The following RANBP2 variants were observed in gnomAD, a reference collection of about 807,000 sequenced individuals.
The protein encoded by RANBP2 is E3 SUMO-protein ligase RanBP2.
A neutral mutation model predicts 303.6 loss-of-function variants in RANBP2; 57 were observed. The ratio of observed to expected loss-of-function variants is 0.19; its 90% confidence interval spans 0.15 to 0.23. The LOEUF is 0.23. RANBP2 is among the 10% of genes least tolerant of loss of function. The pLI is 1.00. For missense variants in RANBP2, 3,138 were observed against 3,780.8 expected, an observed-to-expected ratio of 0.83 and a Z score of 4.46; for synonymous variants, 1,167 against 1,301.5, an observed-to-expected ratio of 0.90 and a Z score of 2.23.
the RANBP2 span, among the ~76,000 whole-genome samples, chr2:108,838,914 A>C: frequency 6.6e-6 from 1 of 152,186 alleles, no homozygotes; most frequent in African/African-American, 2.4e-5. Context: ...AACTTATTTA[A>C]TCATTTAAGG....
the RANBP2 span, chr2:108,791,600 T>A: frequency 6.7e-7 from 1 of 1,502,980 alleles, no homozygotes; most frequent in African/African-American, 1.4e-5. Flanking sequence ...CTGTTAATAT[T>A]TGAAAAGCAG....
intron 6 of RANBP2, among the ~76,000 whole-genome samples, chr2:108,737,113 A>C (rs1020644319): frequency 8.6e-5 from 13 of 151,946 alleles, no homozygotes; most frequent in Non-Finnish European, 1.2e-4. Context: ...TGCAGGGAGT[A>C]GGTAATTTTC....
chr2:109,688,761 G>A, the RANBP2 span, among the ~76,000 whole-genome samples: 227 of 131,616 alleles, frequency 1.7e-3, 2 homozygotes, highest in Middle Eastern at 0.011. Context: ...CCTGGGTGAC[G>A]GAGCGAGACT....
chr2:109,392,420 T>C, the RANBP2 span, among the ~76,000 whole-genome samples: 2 of 152,172 alleles, frequency 1.3e-5, no homozygotes, highest in Non-Finnish European at 2.9e-5. Context: ...CACATTGCTG[T>C]CACCTCGTGG....
Position 108,765,848 on chromosome 2 carries a change from C to T in RANBP2, c.5309C>T (p.Ala1770Val), listed in dbSNP as rs763136168. The T allele has an allele frequency of 9.9e-6, 16 of 1,614,142 alleles. No homozygotes were observed. The highest frequency in any genetic ancestry group is 4.0e-5 in the African/African-American group (3 of 75,046). Reference protein sequence around the residue: ...STPASSEISKAPKSGFEGMFI... With the variant: ...STPASSEISKVPKSGFEGMFI... The stretch of plus-strand genomic sequence containing the variant: ...CCTGCCTCTTCGGAGATAAGCAAGG[C>T]TCCAAAGAGTGGATTTGAAGGAATG... The change falls in exon 20 of 29, where the codon GCT becomes GTT. Residue 1770 changes from alanine (A) to valine (V), a missense_variant. By Grantham distance (64) the Ala-to-Val change is moderately conservative (BLOSUM62 0). Transcript: ENST00000283195.
the RANBP2 span, among the ~76,000 whole-genome samples, chr2:109,125,577 C>A: frequency 6.6e-6 from 1 of 152,166 alleles, no homozygotes; most frequent in East Asian, 1.9e-4. Flanking sequence ...TTTTTCCAAA[C>A]CCTGACCACC....
chr2:109,470,784 G>A, the RANBP2 span, among the ~76,000 whole-genome samples: 1 of 152,250 alleles, frequency 6.6e-6, no homozygotes, highest in Admixed American at 6.5e-5. Flanking sequence ...CCACAGCTTA[G>A]AGAGACCCTT....
chr2:109,161,079 G>A, the RANBP2 span, among the ~76,000 whole-genome samples: 1 of 152,182 alleles, frequency 6.6e-6, no homozygotes, highest in Admixed American at 6.5e-5. Context: ...TGATCACAAG[G>A]CAATCGACTG....
chr2:109,694,446 C>T, the RANBP2 span, among the ~76,000 whole-genome samples: 1 of 146,714 alleles, frequency 6.8e-6, no homozygotes, highest in Admixed American at 7.0e-5. Flanking sequence ...ACTCTGTCAT[C>T]AGGCTGGAAT....
the RANBP2 span, among the ~76,000 whole-genome samples, chr2:109,692,072 A>G: frequency 5.3e-4 from 80 of 152,272 alleles, no homozygotes; most frequent in African/African-American, 1.9e-3. Flanking sequence ...GTGAGCCACC[A>G]TGCCCGGCCC....
chr2:109,531,457 T>C, the RANBP2 span, among the ~76,000 whole-genome samples: 1 of 152,160 alleles, frequency 6.6e-6, no homozygotes, highest in Non-Finnish European at 1.5e-5. Context: ...GACTTCTGAG[T>C]TGCTGAAATC....
chr2:108,898,097 CAT>C, the RANBP2 span, among the ~76,000 whole-genome samples: 1 of 152,190 alleles, frequency 6.6e-6, no homozygotes, highest in African/African-American at 2.4e-5. Context: ...GCCTAGCAAG[CAT>C]AAAACATTTA....
chr2:108,727,988 T>TA (rs1694866287), intron 1 of RANBP2, among the ~76,000 whole-genome samples: 2 of 152,214 alleles, frequency 1.3e-5, no homozygotes, highest in African/African-American at 4.8e-5. Flanking sequence ...AAGAATTCAA[T>TA]ATTTATTTCT....
chr2:109,337,476 T>C, the RANBP2 span, among the ~76,000 whole-genome samples: 1 of 152,212 alleles, frequency 6.6e-6, no homozygotes, highest in Non-Finnish European at 1.5e-5. Flanking sequence ...CAAATGGTGA[T>C]AAGGGACTGT....
At chr2:108,858,913 T>C in the RANBP2 span, among the ~76,000 whole-genome samples, 2 of 152,184 alleles carry the variant, frequency 1.3e-5, no homozygotes, top group African/African-American at 2.4e-5. Context: ...CTTTATCTGA[T>C]CCACCACTGA....
the RANBP2 span, among the ~76,000 whole-genome samples, chr2:109,035,148 T>A: frequency 2.0e-5 from 3 of 152,204 alleles, no homozygotes; most frequent in East Asian, 5.8e-4. Flanking sequence ...ACATCATTTG[T>A]TAGATGTCAG....
the RANBP2 span, among the ~76,000 whole-genome samples, chr2:109,540,641 ACT>A: frequency 6.7e-6 from 1 of 149,054 alleles, no homozygotes; most frequent in African/African-American, 2.5e-5. Flanking sequence ...CCTGGGTGAG[ACT>A]CTGTCTCTAC....
the RANBP2 span, among the ~76,000 whole-genome samples, chr2:108,901,881 A>T: frequency 6.6e-6 from 1 of 152,152 alleles, no homozygotes; most frequent in Admixed American, 6.6e-5. Flanking sequence ...AGGTGGGTAT[A>T]TTGCTTGAGG....
At chr2:108,723,775 G>T (rs534734480) in intron 1 of RANBP2, among the ~76,000 whole-genome samples, 36 of 152,022 alleles carry the variant, frequency 2.4e-4, no homozygotes, top group Non-Finnish European at 5.0e-4. Context: ...CTGAATAATT[G>T]CTTTATTTTT....
Sources: allele counts gnomAD v4.1 joint callset (sites outside exome capture counted in the v4.1 genomes callset), GRCh38; gene constraint gnomAD v4.1.1; transcripts MANE v1.5; gene names NCBI Gene and HGNC (gene_info 2026-07-23, HGNC 2026-07-21).